Variants in OR51B5 observed in about 807,000 individuals in gnomAD.
The protein encoded by OR51B5 is olfactory receptor family 51 subfamily B member 5.
For missense variants in OR51B5, 456 were observed against 374.6 expected (o/e 1.22, Z -1.79); for synonymous variants, 186 against 144.8 (o/e 1.28, Z -2.04).
At chr11:5,370,094 A>G (rs528997017) in intron 1 of OR51B5, among the ~76,000 whole-genome samples, 36 of 152,294 alleles carry the variant, frequency 2.4e-4, no homozygotes, top group African/African-American at 8.2e-4. Flanking sequence ...AGCATGTGCA[A>G]GCTGCTTCTA....
chr11:5,482,306 T>G (rs1851436406), intron 1 of OR51B5, among the ~76,000 whole-genome samples: 2 of 77,294 alleles, frequency 2.6e-5, no homozygotes, highest in Admixed American at 2.8e-4. Flanking sequence ...TAGCCATATG[T>G]AGAAAGCTGA....
At chr11:5,395,762 G>A (rs1462816239) in intron 1 of OR51B5, among the ~76,000 whole-genome samples, 1 of 152,150 alleles carries the variant, frequency 6.6e-6, no homozygotes, top group Non-Finnish European at 1.5e-5. Flanking sequence ...CTTTGCCAAA[G>A]CCATATGGAA....
chr11:5,486,517 C>A (rs1386300447), intron 1 of OR51B5, among the ~76,000 whole-genome samples: 1 of 152,104 alleles, frequency 6.6e-6, no homozygotes, highest in East Asian at 1.9e-4. Flanking sequence ...TTTGGGAGAG[C>A]TTCTCTGGAA....
intron 1 of OR51B5, among the ~76,000 whole-genome samples, chr11:5,428,216 G>A (rs1011459091): frequency 4.6e-5 from 7 of 151,880 alleles, no homozygotes; most frequent in South Asian, 4.2e-4. Context: ...AGATATAGGC[G>A]TACCTTGGAG....
chr11:5,451,359 T>C (rs983619411), intron 1 of OR51B5, among the ~76,000 whole-genome samples: 1 of 152,246 alleles, frequency 6.6e-6, no homozygotes, highest in African/African-American at 2.4e-5. Context: ...TACATTGGCT[T>C]GGTTCTCTTC....
chr11:5,360,922 T>C, intron 1 of OR51B5, among the ~76,000 whole-genome samples: 1 of 150,220 alleles, frequency 6.7e-6, no homozygotes, highest in Non-Finnish European at 1.5e-5. Flanking sequence ...TTCTCACTCA[T>C]AGGTGGGAAT....
intron 1 of OR51B5, among the ~76,000 whole-genome samples, chr11:5,404,527 G>A (rs1232315643): frequency 6.6e-6 from 1 of 152,074 alleles, no homozygotes; most frequent in Non-Finnish European, 1.5e-5. Flanking sequence ...CTGTAAAATG[G>A]ACCAATCAGT....
At chr11:5,361,115 A>C (rs1849277757) in intron 1 of OR51B5, among the ~76,000 whole-genome samples, 1 of 151,520 alleles carries the variant, frequency 6.6e-6, no homozygotes, top group Non-Finnish European at 1.5e-5. Context: ...CGTTGTGCAA[A>C]TGTACCCTAA....
At chr11:5,396,026 A>T (rs1849864557) in intron 1 of OR51B5, among the ~76,000 whole-genome samples, 1 of 152,204 alleles carries the variant, frequency 6.6e-6, no homozygotes, top group Admixed American at 6.5e-5. Flanking sequence ...AGATGAAGAA[A>T]CTAAGATTAA....
chr11:5,442,339 T>G (rs1054413600), intron 1 of OR51B5, among the ~76,000 whole-genome samples: 1 of 152,158 alleles, frequency 6.6e-6, no homozygotes, highest in Non-Finnish European at 1.5e-5. Context: ...TATACACACC[T>G]TTATTCATTC....
At chr11:5,389,337 T>C (rs1394070307) in intron 1 of OR51B5, 2 of 1,493,466 alleles carry the variant, frequency 1.3e-6, no homozygotes, top group Non-Finnish European at 1.8e-6. Flanking sequence ...TTGTGAATGT[T>C]AGTGAAGCTG....
At chr11:5,350,228 C>A (rs1005859956) in intron 1 of OR51B5, among the ~76,000 whole-genome samples, 1 of 152,134 alleles carries the variant, frequency 6.6e-6, no homozygotes, top group African/African-American at 2.4e-5. Flanking sequence ...GGTTATGTAA[C>A]CAAATCTCAA....
At position 5,412,374 on chromosome 11, in the gene OR51B5, G is replaced by A. The variant is rs1414463208; in HGVS notation, n.85-65464C>T. On this transcript the variant is annotated intron_variant and non_coding_transcript_variant, in intron 1 of 4. Coordinates refer to the OR51B5 transcript ENST00000415970. ...CCCAGCGTGAGCGATGCAGAAGACGGGTGATTTCTGCATTTCCATCTGAGG... is the reference window on the plus strand; with the variant it reads ...CCCAGCGTGAGCGATGCAGAAGACGAGTGATTTCTGCATTTCCATCTGAGG... Among the ~76,000 whole-genome samples the A allele has an allele frequency of 4.6e-5, 7 of 152,154 alleles. No homozygotes were observed. The South Asian group carries it at 6.2e-4, about 14-fold the overall frequency.
chr11:5,440,809 G>A lies in OR51B5; in HGVS notation n.84+64760C>T, dbSNP rs780152164. 27 of 1,613,696 alleles carry A rather than the reference G, an allele frequency of 1.7e-5. No individual in the cohort carries two copies. The highest frequency in any genetic ancestry group is 9.3e-5 in the African/African-American group (7 of 74,908). ...ATGCAGGTGTTGAGTGCCTTGAGCC[G>A]CTGTTCCTGGGATATGATGACCAGC... On this transcript the variant is annotated intron_variant and non_coding_transcript_variant, in intron 1 of 4. Transcript: ENST00000415970.
chr11:5,475,303 T>A (rs1851287007), intron 1 of OR51B5, among the ~76,000 whole-genome samples: 1 of 152,218 alleles, frequency 6.6e-6, no homozygotes, highest in African/African-American at 2.4e-5. Context: ...ATCTTCATTT[T>A]CAACTTTACA....
At chr11:5,455,828 T>C (rs1188212658) in intron 1 of OR51B5, 1 of 152,144 alleles carries the variant, frequency 6.6e-6, no homozygotes, top group South Asian at 2.1e-4. Context: ...TTTTCAAAAA[T>C]GTCTACAGGT....
intron 1 of OR51B5, among the ~76,000 whole-genome samples, chr11:5,433,559 G>A (rs570405208): frequency 4.0e-4 from 61 of 152,098 alleles, no homozygotes; most frequent in Non-Finnish European, 8.2e-4. Context: ...TGCCCTGCTG[G>A]AATAAATGTA....
intron 1 of OR51B5, among the ~76,000 whole-genome samples, chr11:5,479,500 C>T (rs1353382921): frequency 1.1e-4 from 16 of 150,076 alleles, no homozygotes; most frequent in African/African-American, 3.9e-4. Flanking sequence ...GGATCAAATT[C>T]ACACATAACA....
chr11:5,432,677 A>G (rs1417254057), intron 1 of OR51B5, among the ~76,000 whole-genome samples: 2 of 152,216 alleles, frequency 1.3e-5, no homozygotes, highest in Admixed American at 1.3e-4. Context: ...GATAAGCAAG[A>G]TATTACATGG....
Sources: allele counts gnomAD v4.1 joint callset (sites outside exome capture counted in the v4.1 genomes callset), GRCh38; gene constraint gnomAD v4.1.1; transcripts MANE v1.5; gene names NCBI Gene and HGNC (gene_info 2026-07-23, HGNC 2026-07-21).